Variants in SPTBN4 observed in about 807,000 individuals in gnomAD.
SPTBN4 encodes spectrin beta, non-erythrocytic 4.
A neutral mutation model predicts 277.8 loss-of-function variants in SPTBN4; 96 were observed. That is an observed-to-expected ratio of 0.35 (90% CI 0.29 to 0.41). The LOEUF is 0.41. SPTBN4 is among the 10% of genes least tolerant of loss of function. The probability of loss-of-function intolerance (pLI) is 1.00; values close to 1 mark genes in which losing one functional copy is unlikely to be tolerated. For missense variants in SPTBN4, 3,006 were observed against 3,595.7 expected (o/e 0.84, Z 4.19); for synonymous variants, 1,481 against 1,580.3 (o/e 0.94, Z 1.49).
intron 2 of SPTBN4, among the ~76,000 whole-genome samples, chr19:40,484,696 G>A (rs1310632735): frequency 6.6e-6 from 1 of 151,958 alleles, no homozygotes. Context: ...GGGAGGCCAA[G>A]GGGGGTGGAT....
rs1360713095 is a variant in SPTBN4, at chr19:40,504,077, T to C, written c.1610T>C (p.Leu537Pro). ...RRTRLEQNLA[L>P]QKVFQEMVYM... is the part of the protein sequence containing the mutation. Reference sequence around the variant, plus strand: ...ACACGACTTGAGCAGAACCTTGCCCTGCAGAAGGTCTTCCAGGAGATGGTG... The same window carrying C: ...ACACGACTTGAGCAGAACCTTGCCCCGCAGAAGGTCTTCCAGGAGATGGTG... The change falls in exon 12 of 36, where the codon CTG (leucine) becomes CCG (proline). Residue 537 changes from leucine to proline, a missense_variant. Leu to Pro is a moderately conservative substitution (Grantham distance 98). Coordinates refer to ENST00000598249, the MANE Select transcript of SPTBN4 (RefSeq NM_020971.3). 6.3e-7 allele frequency: 1 copy of C among 1,587,264 alleles called. No individual in the cohort carries two copies. Among genetic ancestry groups the C allele is most frequent in the South Asian group, 1.1e-5 (1 of 90,792 alleles).
At chr19:40,538,124 C>T (rs2080758633) in intron 20 of SPTBN4, among the ~76,000 whole-genome samples, 1 of 152,150 alleles carries the variant, frequency 6.6e-6, no homozygotes, top group African/African-American at 2.4e-5. Context: ...CGCAGTGGCT[C>T]ACGCCTGTAA....
At chr19:40,532,806 G>A in intron 19 of SPTBN4, 35 bp downstream of exon 19, 1 of 1,581,460 alleles carries the variant, frequency 6.3e-7, no homozygotes, top group Non-Finnish European at 8.6e-7. Context: ...CCTGTGCCAG[G>A]TGCAGGAGGC....
At chr19:40,511,410 TCAAA>T (rs971312229) in intron 13 of SPTBN4, among the ~76,000 whole-genome samples, 1 of 152,116 alleles carries the variant, frequency 6.6e-6, no homozygotes, top group East Asian at 1.9e-4. Flanking sequence ...TCTGTCTCAA[TCAAA>T]CAAACAAACA....
intron 20 of SPTBN4, among the ~76,000 whole-genome samples, chr19:40,540,082 A>G (rs2080781943): frequency 6.6e-6 from 1 of 151,650 alleles, no homozygotes; most frequent in Admixed American, 6.6e-5. Flanking sequence ...ACCCGCCACC[A>G]TACCCGGCTA....
chr19:40,502,140 G>T lies in SPTBN4; in HGVS notation c.910G>T (p.Val304Leu), dbSNP rs781400131. 1 of 1,613,822 alleles carries T rather than the reference G, an allele frequency of 6.2e-7. No homozygotes were observed. Among genetic ancestry groups the T allele is most frequent in the South Asian group, 1.1e-5 (1 of 91,064 alleles). ...TCTGCTGTGTCAGGTCTTGGACCAG[G>T]TATTGGAGGTGGGGAAGATCATAGA... ...GKRIGKVLDQ[V>L]LEVGKIIERY... Residue 304 changes from valine (V) to leucine (L), a missense_variant, in exon 9 of 36, where the codon GTA becomes TTA. Coordinates refer to ENST00000598249, the MANE Select transcript of SPTBN4 (RefSeq NM_020971.3). This position sits in a 1 kb window ranked among gnomAD's most constrained non-coding sequence, Gnocchi z 4.9.
rs370458670 is a variant in SPTBN4 at position 40,515,263 on chromosome 19, C to T, written c.2766-48C>T. 3 of 1,586,884 alleles carry T rather than the reference C, an allele frequency of 1.9e-6. No homozygotes were observed. The highest frequency in any genetic ancestry group is 2.6e-6 in the Non-Finnish European group (3 of 1,169,062). On this transcript the variant is annotated intron_variant, in intron 14 of 35. Coordinates refer to ENST00000598249, the MANE Select transcript of SPTBN4 (RefSeq NM_020971.3). This position sits in a 1 kb window ranked among gnomAD's most constrained non-coding sequence, Gnocchi z 4.1. ...AACCAGTAGAAGGTATTTCATAAAACCAAGGTCCGCAGGGTTCGGGTGTCT... is the reference window on the plus strand; with the variant it reads ...AACCAGTAGAAGGTATTTCATAAAATCAAGGTCCGCAGGGTTCGGGTGTCT...
At chr19:40,549,729 T>C (rs1186613704) in intron 21 of SPTBN4, among the ~76,000 whole-genome samples, 1 of 152,240 alleles carries the variant, frequency 6.6e-6, no homozygotes, top group African/African-American at 2.4e-5. Context: ...CCTGATTTGC[T>C]CATTCATTTG....
rs972839215 is a variant in SPTBN4 at position 40,576,316 on chromosome 19, G to C, written c.*747G>C. ...GGGAAGCCCACCCCTGCATGCTTCTGGCTGGAGCACCTCCCTGGGGAGTCG... is the reference window on the plus strand; with the variant it reads ...GGGAAGCCCACCCCTGCATGCTTCTCGCTGGAGCACCTCCCTGGGGAGTCG... On this transcript the variant is annotated 3_prime_UTR_variant, in exon 36 of 36. Transcript: ENST00000598249. 1.2e-4 allele frequency: 19 copies of C among 152,806 alleles called. No homozygotes were observed. Among genetic ancestry groups the C allele is most frequent in the Admixed American group, 1.2e-3 (19 of 15,286 alleles). The allele number at this position is 152,806 out of a possible 1,614,324, so 9.5% of individuals were successfully genotyped here. A position where few individuals can be genotyped will look rare whatever the true frequency, so the allele number is the denominator to read the frequency against.
intron 16 of SPTBN4, 86 bp from the exon 17 acceptor site, chr19:40,523,351 G>C: frequency 7.7e-7 from 1 of 1,303,644 alleles, no homozygotes; most frequent in East Asian, 2.5e-5. Context: ...AGGTTGCGGG[G>C]AGTGGTGGCA....
rs1003978645 is a variant in SPTBN4, at chr19:40,512,770, C to T, written c.1981C>T (p.Arg661Cys). Residue 661 changes from arginine (R) to cysteine (C), a missense_variant, in exon 14 of 36, where the codon CGC becomes TGC. Transcript: ENST00000598249. ...GCTGGAGGAGGCCGAGAGCTGGGCG[C>T]GCGACAAGGAGCGTCTCCTGGAGGC... ...QELEEAESWA[R>C]DKERLLEAAG... is the part of the protein sequence containing the mutation. 6.6e-7 allele frequency: 1 copy of T among 1,506,334 alleles called. No individual in the cohort carries two copies. The highest frequency in any genetic ancestry group is 8.8e-7 in the Non-Finnish European group (1 of 1,136,304). The allele number at this position is 1,506,334 out of a possible 1,614,324, so 93.3% of individuals were successfully genotyped here.
intron 7 of SPTBN4, among the ~76,000 whole-genome samples, chr19:40,501,524 C>G (rs1342799270): frequency 2.0e-5 from 3 of 152,018 alleles, no homozygotes; most frequent in African/African-American, 7.2e-5. Context: ...TAAAATTAGC[C>G]AGGCATGGTG....
At chr19:40,574,946 T>C (rs1166367739) in intron 35 of SPTBN4, among the ~76,000 whole-genome samples, 2 of 143,682 alleles carry the variant, frequency 1.4e-5, no homozygotes, top group Admixed American at 7.3e-5. Flanking sequence ...ACCTGGGAGA[T>C]GGAGGTTGCA....
rs2081081991 is a variant in SPTBN4 at position 40,565,437 on chromosome 19, T to C, written c.5930T>C (p.Val1977Ala). 1 of 1,613,602 alleles carries C rather than the reference T, an allele frequency of 6.2e-7. No homozygotes were observed. The highest frequency in any genetic ancestry group is 1.3e-5 in the African/African-American group (1 of 74,878). The part of the protein sequence containing the change: ...AADKPRDVSS[V>A]EVLMNYHQGL... Reference sequence around the variant, plus strand: ...ACCCACTGCAGGGACGTGTCATCAGTGGAGGTGCTCATGAACTACCACCAG... The same window carrying C: ...ACCCACTGCAGGGACGTGTCATCAGCGGAGGTGCTCATGAACTACCACCAG... Residue 1977 changes from valine (V) to alanine (A), a missense_variant, in exon 28 of 36, where the codon GTG becomes GCG. By Grantham distance (64) the Val-to-Ala change is moderately conservative. Around this residue, in one of 5 missense-constraint regions of SPTBN4, gnomAD observed 425 missense variants for 594.7 expected, o/e 0.71. Coordinates refer to ENST00000598249, the MANE Select transcript of SPTBN4 (RefSeq NM_020971.3).
chr19:40,531,043 G>A (rs370865249), intron 18 of SPTBN4, among the ~76,000 whole-genome samples: 2 of 150,668 alleles, frequency 1.3e-5, no homozygotes, highest in East Asian at 2.0e-4. Context: ...CTTTTGGGGG[G>A]CTCTGCCTTG....
chr19:40,479,930 C>T (rs1357575120), intron 2 of SPTBN4, among the ~76,000 whole-genome samples: 1 of 149,510 alleles, frequency 6.7e-6, no homozygotes, highest in African/African-American at 2.5e-5. Context: ...AGAGAGACCC[C>T]GTCTCTACAA....
intron 13 of SPTBN4, among the ~76,000 whole-genome samples, 196 bp from the exon 14 acceptor site, chr19:40,512,410 G>A (rs2080400541): frequency 6.6e-6 from 1 of 152,240 alleles, no homozygotes; most frequent in Non-Finnish European, 1.5e-5. Context: ...GGATGGGGAA[G>A]CAGAGAAGCC....
At position 40,497,292 on chromosome 19, in the gene SPTBN4, C is replaced by T. The variant is rs150269746; in HGVS notation, c.669-197C>T. ...ACATGCACACACACATTCCCGGGAA[C>T]GCACAGAGACATGCCCGCGTCCATC... On this transcript the variant is annotated intron_variant, in intron 6 of 35. Coordinates refer to ENST00000598249, the MANE Select transcript of SPTBN4 (RefSeq NM_020971.3). The T allele has an allele frequency of 4.2e-4, 246 of 582,092 alleles. 1 individual carries two copies. Among genetic ancestry groups the T allele is most frequent in the Middle Eastern group, 9.2e-4 (2 of 2,172 alleles). 36.1% of individuals were successfully genotyped at this position (582,092 alleles called of 1,614,324 possible). A position where few individuals can be genotyped will look rare whatever the true frequency, so the allele number is the denominator to read the frequency against.
intron 19 of SPTBN4, among the ~76,000 whole-genome samples, 188 bp from the exon 20 acceptor site, chr19:40,533,892 C>T (rs140713287): frequency 3.3e-5 from 5 of 152,116 alleles, no homozygotes; most frequent in Admixed American, 2.0e-4. Context: ...TTCCTTGGTT[C>T]CTTCCATTTC....
Sources: gnomAD v4.1 joint callset for allele counts (sites outside exome capture counted in the v4.1 genomes callset) on GRCh38, gnomAD v4.1.1 for gene constraint, gnomAD v4.1.1 regional missense constraint, Gnocchi (gnomAD v3.1) non-coding constraint, MANE v1.5 for transcripts, NCBI Gene and HGNC (gene_info 2026-07-23, HGNC 2026-07-21) for gene names.